RAB3IP: variants seen among roughly 807,000 people sequenced by gnomAD.
RAB3IP encodes RAB3A interacting protein.
RAB3IP carries 36 observed loss-of-function variants against 59.1 expected under a neutral mutation model. The observed-to-expected ratio is 0.61, with a 90% CI of 0.47 to 0.80. The LOEUF (loss-of-function observed/expected upper bound fraction) is 0.80, where lower values mean the gene tolerates loss of function less well. RAB3IP is among the 30% of genes least tolerant of loss of function. The probability of loss-of-function intolerance (pLI) is 0.00; values close to 1 mark genes in which losing one functional copy is unlikely to be tolerated. For missense variants in RAB3IP, 511 were observed against 536.0 expected, an observed-to-expected ratio of 0.95 and a Z score of 0.46; for synonymous variants, 207 against 191.2, an observed-to-expected ratio of 1.08 and a Z score of -0.68.
Position 69,822,903 on chromosome 12 carries a change from T to A in RAB3IP, c.*7457T>A, listed in dbSNP as rs1033041864. On this transcript the variant is annotated 3_prime_UTR_variant, in exon 11 of 11. Transcript: ENST00000247833. Reference sequence around the variant, plus strand: ...AGGCACACAATCTCTGTACCTGTGCTGTCTTCCAAGCCATTGCTCATGTTT... The same window carrying A: ...AGGCACACAATCTCTGTACCTGTGCAGTCTTCCAAGCCATTGCTCATGTTT... 6.6e-6 allele frequency: 1 copy of A among 152,230 alleles called. No homozygotes were observed. Among genetic ancestry groups the A allele is most frequent in the Non-Finnish European group, 1.5e-5 (1 of 68,048 alleles). The allele number at this position is 152,230 out of a possible 1,614,324, so 9.4% of individuals were successfully genotyped here. A position where few individuals can be genotyped will look rare whatever the true frequency, so the allele number is the denominator to read the frequency against.
chr12:69,788,619 A>G (rs1283735408), intron 4 of RAB3IP, among the ~76,000 whole-genome samples: 1 of 152,138 alleles, frequency 6.6e-6, no homozygotes, highest in East Asian at 1.9e-4. Flanking sequence ...GGTGACTTCA[A>G]TACCACAGTC....
intron 1 of RAB3IP, among the ~76,000 whole-genome samples, chr12:69,752,698 A>G (rs1869535768): frequency 6.6e-6 from 1 of 152,208 alleles, no homozygotes; most frequent in African/African-American, 2.4e-5. Flanking sequence ...GTGAACCTTC[A>G]GGATATAAAG....
intron 3 of RAB3IP, among the ~76,000 whole-genome samples, chr12:69,757,980 T>C (rs1870498651): frequency 6.6e-6 from 1 of 152,250 alleles, no homozygotes; most frequent in Admixed American, 6.5e-5. Context: ...GTTTGGATAA[T>C]TGAAATGGTG....
chr12:69,755,315 T>G (rs1358203581), intron 1 of RAB3IP, 69 bp from the exon 2 acceptor site: 2 of 1,272,718 alleles, frequency 1.6e-6, no homozygotes, highest in Admixed American at 2.2e-5. Flanking sequence ...ATTTTATAAT[T>G]TATGCATTTT....
At chr12:69,757,985 A>G (rs956984010) in intron 3 of RAB3IP, among the ~76,000 whole-genome samples, 1 of 152,236 alleles carries the variant, frequency 6.6e-6, no homozygotes, top group Admixed American at 6.5e-5. Flanking sequence ...GATAATTGAA[A>G]TGGTGATGTG....
In RAB3IP at chr12:69,815,469, G is replaced by T; in HGVS notation, c.*23G>T. On this transcript the variant is annotated 3_prime_UTR_variant, in exon 11 of 11. Transcript: ENST00000247833. ...TGATGCTCTGCGTGGGACCATGCCT[G>T]AACTCCCCGAATAACTGAAAAATGG... 6.8e-7 allele frequency: 1 copy of T among 1,474,058 alleles called. No homozygotes were observed. Among genetic ancestry groups the T allele is most frequent in the South Asian group, 1.2e-5 (1 of 86,026 alleles). The allele number at this position is 1,474,058 out of a possible 1,614,324, so 91.3% of individuals were successfully genotyped here.
Position 69,755,484 on chromosome 12 carries a change from TATGAATCAGGAACTC to T in RAB3IP, c.78_92del (p.Tyr26_Gln31delinsTer), listed in dbSNP as rs1870050509. 1 of 1,614,028 alleles carries T rather than the reference TATGAATCAGGAACTC, an allele frequency of 6.2e-7. No homozygotes were observed. Among genetic ancestry groups the T allele is most frequent in the Non-Finnish European group, 8.5e-7 (1 of 1,180,018 alleles). On this transcript the variant is annotated stop_gained and inframe_deletion, in exon 2 of 11. Transcript: ENST00000247833. LOFTEE classifies it high-confidence loss of function. ...TACTTCTCCGGACCTTCTTGGTGTG[TATGAATCAGGAACTC>T]AAGAGCAGACTACCTCACCAAGTGT...
rs928296279 is a variant in RAB3IP, at chr12:69,815,505, T to C, written c.*59T>C. The C allele has an allele frequency of 5.1e-6, 6 of 1,171,150 alleles. No homozygotes were observed. Among genetic ancestry groups the C allele is most frequent in the Non-Finnish European group, 7.6e-6 (6 of 785,178 alleles). 72.5% of individuals were successfully genotyped at this position (1,171,150 alleles called of 1,614,324 possible). The stretch of plus-strand genomic sequence containing the variant: ...ATAACTGAAAAATGGCTGAATATTT[T>C]TATGGTTACTTGATATTTATTTCCA... On this transcript the variant is annotated 3_prime_UTR_variant, in exon 11 of 11. Coordinates refer to ENST00000247833, the MANE Select transcript of RAB3IP (RefSeq NM_022456.5).
chr12:69,801,523 T>G (rs1592596802), intron 7 of RAB3IP, 86 bp from the exon 8 acceptor site: 3 of 671,984 alleles, frequency 4.5e-6, no homozygotes, highest in African/African-American at 1.9e-5. Context: ...TGGAGAAGAA[T>G]AATTTATAAA....
chr12:69,755,361 A>T lies in RAB3IP; in HGVS notation c.-25-23A>T, dbSNP rs1184505266. On this transcript the variant is annotated intron_variant, in intron 1 of 10. Transcript: ENST00000247833. ...TAAATGTTATTATCTAAAAATAAGT[A>T]TCTGCTTTTTGTTTTAACATAGGTT... The T allele has an allele frequency of 3.2e-6, 5 of 1,578,176 alleles. No individual in the cohort carries two copies. In the Admixed American group the frequency reaches 8.8e-5, roughly 28 times the overall value.
intron 3 of RAB3IP, among the ~76,000 whole-genome samples, chr12:69,780,515 C>T (rs533667814): frequency 2.0e-5 from 3 of 152,226 alleles, no homozygotes; most frequent in Non-Finnish European, 4.4e-5. Context: ...ATTTCCCTGA[C>T]TGTAGTGAGA....
intron 3 of RAB3IP, among the ~76,000 whole-genome samples, chr12:69,772,895 T>C (rs1027162232): frequency 6.6e-6 from 1 of 152,206 alleles, no homozygotes; most frequent in African/African-American, 2.4e-5. Context: ...GTAATTTTTA[T>C]ACCTTCAGGA....
chr12:69,751,241 C>T (rs1313573173), intron 1 of RAB3IP, among the ~76,000 whole-genome samples: 5 of 152,046 alleles, frequency 3.3e-5, no homozygotes, highest in African/African-American at 4.8e-5. Flanking sequence ...CAGATTGTCC[C>T]GTTTTTGGTT....
intron 3 of RAB3IP, among the ~76,000 whole-genome samples, chr12:69,757,043 T>C (rs1263259669): frequency 6.6e-6 from 1 of 152,236 alleles, no homozygotes; most frequent in Non-Finnish European, 1.5e-5. Context: ...GTCATTTTGT[T>C]TTGAGTTTAA....
chr12:69,789,918 A>G (rs1034670632), intron 4 of RAB3IP, among the ~76,000 whole-genome samples: 8 of 152,156 alleles, frequency 5.3e-5, no homozygotes, highest in East Asian at 1.9e-4. Context: ...AAATAGATAT[A>G]GGAACTTACT....
chr12:69,779,700 C>G (rs1476212121), intron 3 of RAB3IP, among the ~76,000 whole-genome samples: 1 of 138,624 alleles, frequency 7.2e-6, no homozygotes, highest in Non-Finnish European at 1.5e-5. Flanking sequence ...TTTTTTTTTT[C>G]CAGCGTCTCT....
rs552800928 is a variant in RAB3IP at position 69,771,038 on chromosome 12, C to T, written c.511-13682C>T. On this transcript the variant is annotated intron_variant, in intron 3 of 10. Transcript: ENST00000247833. ...CCTACTCTTCCCAGCTTTTGATAAC[C>T]GCTATTCTCTGCTCTACTTCTATGA... Among the ~76,000 whole-genome samples the T allele has an allele frequency of 1.8e-4, 27 of 152,248 alleles. No individual in the cohort carries two copies. In the South Asian group the frequency reaches 2.7e-3, roughly 15 times the overall value.
intron 6 of RAB3IP, among the ~76,000 whole-genome samples, chr12:69,797,878 A>G (rs1274070026): frequency 1.3e-5 from 2 of 152,252 alleles, no homozygotes; most frequent in East Asian, 3.9e-4. Flanking sequence ...GCTACATAGT[A>G]TTCCATGGTG....
intron 4 of RAB3IP, chr12:69,785,070 A>G (rs866649548): frequency 4.2e-6 from 1 of 240,076 alleles, no homozygotes; most frequent in Middle Eastern, 1.4e-3. Context: ...GGCAAATTTT[A>G]GTATTGATTT....
Sources: allele counts gnomAD v4.1 joint callset (sites outside exome capture counted in the v4.1 genomes callset), GRCh38; gene constraint gnomAD v4.1.1; transcripts MANE v1.5; gene names NCBI Gene and HGNC (gene_info 2026-07-23, HGNC 2026-07-21).